Variants in CSPP1 observed in about 807,000 individuals in gnomAD.
CSPP1 encodes centrosome and spindle pole associated protein 1.
In CSPP1, 126 loss-of-function variants were observed where a neutral mutation model predicts 164.4. The observed-to-expected ratio is 0.77, with a 90% CI of 0.66 to 0.89. The LOEUF (loss-of-function observed/expected upper bound fraction) is 0.89. Among genes scored for constraint, CSPP1 ranks in the 40% least tolerant of loss-of-function variants. The probability of loss-of-function intolerance (pLI) is 0.00; values close to 1 mark genes in which losing one functional copy is unlikely to be tolerated. For synonymous variants in CSPP1, 472 were observed against 476.7 expected, an observed-to-expected ratio of 0.99 and a Z score of 0.13; for missense variants, 1,395 against 1,449.8, an observed-to-expected ratio of 0.96 and a Z score of 0.61.
chr8:67,096,524 C>T (rs1210017434), intron 7 of CSPP1, among the ~76,000 whole-genome samples: 1 of 151,078 alleles, frequency 6.6e-6, no homozygotes, highest in Non-Finnish European at 1.5e-5. Context: ...GAGATCACGC[C>T]ACTGCGCTCC....
intron 3 of CSPP1, chr8:67,083,544 AAAAAATAT>A (rs1319550186): frequency 3.1e-5 from 4 of 130,266 alleles, no homozygotes; most frequent in African/African-American, 1.3e-4. Flanking sequence ...AAAAAAAAAA[AAAAAATAT>A]ATATATATAT....
rs1373203085 is a variant in CSPP1 at position 67,118,781 on chromosome 8, G to A, written c.1657G>A (p.Val553Ile). ...GATGGGCGTACAGCCTGCAGCTTAT[G>A]TTAGTGCTCCTGTCACCCACCAACT... ...GMMGVQPAAY[V>I]SAPVTHQLAQ... Residue 553 changes from valine to isoleucine, a missense_variant, in exon 15 of 31, where the codon GTT becomes ATT. By Grantham distance (29) the Val-to-Ile change is conservative (BLOSUM62 3). Coordinates refer to ENST00000678616, the MANE Select transcript of CSPP1 (RefSeq NM_001382391.1). 6.2e-7 allele frequency: 1 copy of A among 1,612,888 alleles called. No individual in the cohort carries two copies. The highest frequency in any genetic ancestry group is 1.3e-5 in the African/African-American group (1 of 74,884).
chr8:67,139,397 A>G (rs1482002109), intron 17 of CSPP1, among the ~76,000 whole-genome samples: 1 of 152,110 alleles, frequency 6.6e-6, no homozygotes, highest in Non-Finnish European at 1.5e-5. Context: ...TGTTGGTGGG[A>G]CTGTAAACTA....
chr8:67,177,576 T>C (rs1831997995), intron 26 of CSPP1, 104 bp from the exon 27 acceptor site: 2 of 710,694 alleles, frequency 2.8e-6, no homozygotes, highest in Non-Finnish European at 4.9e-6. Flanking sequence ...AGTTGAAAAG[T>C]AATTTCCAGT....
intron 30 of CSPP1, among the ~76,000 whole-genome samples, chr8:67,194,380 C>A (rs1370456138): frequency 1.3e-5 from 2 of 152,134 alleles, no homozygotes; most frequent in African/African-American, 4.8e-5. Context: ...CATATACTAT[C>A]TATCTAGCAG....
intron 17 of CSPP1, among the ~76,000 whole-genome samples, chr8:67,143,338 A>G (rs1823876731): frequency 6.6e-6 from 1 of 151,566 alleles, no homozygotes; most frequent in East Asian, 1.9e-4. Flanking sequence ...TCTTTTGACA[A>G]CTCAACTTCT....
At chr8:67,139,969 C>T (rs898801413) in intron 17 of CSPP1, among the ~76,000 whole-genome samples, 3 of 152,082 alleles carry the variant, frequency 2.0e-5, no homozygotes, top group Non-Finnish European at 2.9e-5. Context: ...GTTGTGCACA[C>T]GTACCCTAAA....
rs760659856 is a variant in CSPP1 at position 67,074,372 on chromosome 8, T to C, written c.99+21T>C. On this transcript the variant is annotated intron_variant, in intron 2 of 30. Transcript: ENST00000678616. ...TGAAGGTAAATTTAATAATTTTCTT[T>C]GAACATGTTTTATTATAATTGTCTA... 9 of 1,443,530 alleles carry C rather than the reference T, an allele frequency of 6.2e-6. No homozygotes were observed. In the East Asian group the frequency reaches 1.6e-4, roughly 26 times the overall value. The allele number at this position is 1,443,530 out of a possible 1,614,324, so 89.4% of individuals were successfully genotyped here. A position where few individuals can be genotyped will look rare whatever the true frequency, so the allele number is the denominator to read the frequency against.
intron 9 of CSPP1, among the ~76,000 whole-genome samples, chr8:67,110,513 A>C (rs1281549353): frequency 6.6e-6 from 1 of 152,062 alleles, no homozygotes. Flanking sequence ...GCCAAATGGA[A>C]TTTCACTCTG....
At chr8:67,095,172 G>T in intron 6 of CSPP1, 121 bp from the exon 7 acceptor site, 1 of 539,196 alleles carries the variant, frequency 1.9e-6, no homozygotes, top group Non-Finnish European at 3.2e-6. Context: ...ATAAATATAT[G>T]GGTGATTAAA....
chr8:67,172,102 GCCT>G (rs1830578548), intron 24 of CSPP1, among the ~76,000 whole-genome samples: 2 of 151,494 alleles, frequency 1.3e-5, no homozygotes, highest in African/African-American at 4.9e-5. Flanking sequence ...ACCTGTCTTG[GCCT>G]CCCAAAGTGC....
intron 3 of CSPP1, among the ~76,000 whole-genome samples, chr8:67,078,100 G>A (rs189714715): frequency 2.2e-4 from 33 of 152,130 alleles, no homozygotes; most frequent in African/African-American, 7.2e-4. Flanking sequence ...TTTTTAAAAA[G>A]TTTAATAGTA....
At position 67,074,289 on chromosome 8, in the gene CSPP1, A is replaced by T. The variant is rs1807440320; in HGVS notation, c.37A>T (p.Lys13Ter). The change falls in exon 2 of 31, where the codon AAA becomes TAA. Residue 13 changes from lysine (K) to a stop codon, truncating the protein, a stop_gained. Transcript: ENST00000678616. LOFTEE classifies it high-confidence loss of function. ...TTTGGATGAATTTATTGAAGAGCAA[A>T]AAGCCAGATTGGCCGAAGACAAAGC... ...DNLDEFIEEQKARLAEDKAEL... is the reference protein window; with the variant it reads ...DNLDEFIEEQ 3.7e-6 allele frequency: 6 copies of T among 1,611,740 alleles called. No individual in the cohort carries two copies. Among genetic ancestry groups the T allele is most frequent in the Non-Finnish European group, 5.1e-6 (6 of 1,179,022 alleles).
chr8:67,074,844 G>A, intron 2 of CSPP1: 1 of 257,550 alleles, frequency 3.9e-6, no homozygotes, highest in Non-Finnish European at 7.6e-6. Context: ...GCAATGGTGT[G>A]ATCTCAGCTC....
intron 9 of CSPP1, among the ~76,000 whole-genome samples, chr8:67,106,632 T>A (rs574393211): frequency 6.6e-6 from 1 of 152,212 alleles, no homozygotes. Flanking sequence ...CTTGTTTTGC[T>A]ATATTACACT....
intron 19 of CSPP1, among the ~76,000 whole-genome samples, chr8:67,157,447 C>T (rs1033132155): frequency 5.3e-5 from 8 of 152,022 alleles, no homozygotes; most frequent in Non-Finnish European, 1.2e-4. Context: ...AGGCACACAC[C>T]ACCACGCCTG....
intron 12 of CSPP1, chr8:67,114,849 A>G (rs984263049): frequency 2.6e-5 from 4 of 152,188 alleles, no homozygotes; most frequent in African/African-American, 9.6e-5. Flanking sequence ...AAGCTCCTAT[A>G]CAGTGTCAAG....
intron 16 of CSPP1, among the ~76,000 whole-genome samples, chr8:67,136,600 A>G (rs1003840405): frequency 7.3e-5 from 11 of 150,896 alleles, no homozygotes; most frequent in Admixed American, 5.3e-4. Context: ...AAAAAATGCA[A>G]TGTCCGCAAA....
At chr8:67,105,033 T>C (rs1815183555) in intron 8 of CSPP1, among the ~76,000 whole-genome samples, 1 of 143,436 alleles carries the variant, frequency 7.0e-6, no homozygotes, top group Non-Finnish European at 1.5e-5. Context: ...ATTTTTTTTT[T>C]TTTTTTTTTC....
Sources: allele counts gnomAD v4.1 joint callset (sites outside exome capture counted in the v4.1 genomes callset), GRCh38; gene constraint gnomAD v4.1.1; transcripts MANE v1.5; gene names NCBI Gene and HGNC (gene_info 2026-07-23, HGNC 2026-07-21).